The following ORC2 variants were observed in gnomAD, a reference collection of about 807,000 sequenced individuals.
ORC2 encodes the protein origin recognition complex subunit 2, also known as origin recognition complex protein 2 homolog.
Under a neutral mutation model 77.7 loss-of-function variants are expected in ORC2, and 37 were observed. The observed-to-expected ratio is 0.48, with a 90% CI of 0.37 to 0.63. The LOEUF (loss-of-function observed/expected upper bound fraction) is 0.63, where lower values mean the gene tolerates loss of function less well. Among genes scored for constraint, ORC2 ranks in the 20% least tolerant of loss-of-function variants. The probability of loss-of-function intolerance (pLI) is 0.00; values close to 1 mark genes in which losing one functional copy is unlikely to be tolerated. For synonymous variants in ORC2, 201 were observed against 229.5 expected (o/e 0.88, Z 1.12); for missense variants, 557 against 661.9 (o/e 0.84, Z 1.74).
chr2:200,956,815 TAGG>T (rs2125035472), intron 4 of ORC2, among the ~76,000 whole-genome samples: 1 of 152,210 alleles, frequency 6.6e-6, no homozygotes, highest in Non-Finnish European at 1.5e-5. Context: ...AAAATAACTT[TAGG>T]AGTACTATGC....
chr2:200,942,686 C>G lies in ORC2; in HGVS notation c.420G>C (p.Lys140Asn), dbSNP rs2041175998. 2 of 1,573,446 alleles carry G rather than the reference C, an allele frequency of 1.3e-6. No individual in the cohort carries two copies. The highest frequency in any genetic ancestry group is 1.7e-6 in the Non-Finnish European group (2 of 1,148,132). The change falls in exon 6 of 18, where the codon AAG becomes AAC. Residue 140 changes from lysine (K) to asparagine (N), a missense_variant and splice_region_variant. Transcript: ENST00000234296. ...EITINVPQSS[K>N]GHSASDKVQP... ...CAAAGAACTAATGTAATGTCTTACC[C>G]TTGCTACTTTGAGGAACGTTTATCG...
intron 4 of ORC2, among the ~76,000 whole-genome samples, chr2:200,956,921 C>A (rs1438554632): frequency 6.6e-6 from 1 of 152,046 alleles, no homozygotes; most frequent in East Asian, 1.9e-4. Flanking sequence ...AACAGAAAAC[C>A]ACACACTGCA....
rs1244108778 is a variant in ORC2, at chr2:200,944,554, C to G, written c.329-1777G>C. ...ATGACTCAACATGTCTAATAAGCAC[C>G]AGGCACAATGCCTAGTACAAGTACC... On this transcript the variant is annotated intron_variant, in intron 5 of 17. Transcript: ENST00000234296. Among the ~76,000 whole-genome samples, 5 of 151,914 alleles carry G rather than the reference C, an allele frequency of 3.3e-5. 1 individual carries two copies. In the South Asian group the frequency reaches 6.2e-4, roughly 19 times the overall value.
Position 200,949,578 on chromosome 2 carries a change from GT to G in ORC2, c.303del (p.Lys101AsnfsTer9). On this transcript the variant is annotated frameshift_variant, in exon 5 of 18. Coordinates refer to ENST00000234296, the MANE Select transcript of ORC2 (RefSeq NM_006190.5). LOFTEE classifies it high-confidence loss of function. ...CCTAATTTAGCCATCTTTTCAGAGT[GT>G]TTTCTATTCTGAAAAGAATAAACTT... Reference protein sequence around the residue: ...GNKVYSFQNRKHSEKMAKLAS... With the variant: ...GNKVYSFQNRXHSEKMAKLAS... The G allele has an allele frequency of 6.3e-7, 1 of 1,585,706 alleles. No homozygotes were observed. The highest frequency in any genetic ancestry group is 8.6e-7 in the Non-Finnish European group (1 of 1,156,948).
rs1168329241 is a variant in ORC2 at position 200,913,410 on chromosome 2, A to G, written c.1532T>C (p.Leu511Pro). ...CTGCTGGTAAAAATCTTGAAAAGAA[A>G]GGCCTGGCAAGTTCAAAAGGATATG... The part of the protein sequence containing the change: ...DNQDNPSYIG[L>P]SFQDFYQQCR... Residue 511 changes from leucine to proline, a missense_variant, in exon 17 of 18, where the codon CTT (leucine) becomes CCT (proline). By Grantham distance (98) the Leu-to-Pro change is moderately conservative. Coordinates refer to ENST00000234296, the MANE Select transcript of ORC2 (RefSeq NM_006190.5). 1 of 1,584,308 alleles carries G rather than the reference A, an allele frequency of 6.3e-7. No homozygotes were observed. Among genetic ancestry groups the G allele is most frequent in the Admixed American group, 1.7e-5 (1 of 58,962 alleles).
intron 11 of ORC2, among the ~76,000 whole-genome samples, chr2:200,927,924 G>GT (rs1204702030): frequency 6.6e-6 from 1 of 151,496 alleles, no homozygotes; most frequent in Admixed American, 6.6e-5. Flanking sequence ...TTGACCTCAG[G>GT]TGATGTGCCT....
Position 200,926,905 on chromosome 2 carries a change from T to C in ORC2, c.918-5A>G. 2.5e-6 allele frequency: 4 copies of C among 1,612,840 alleles called. No individual in the cohort carries two copies. The highest frequency in any genetic ancestry group is 3.4e-6 in the Non-Finnish European group (4 of 1,179,448). On this transcript the variant is annotated splice_polypyrimidine_tract_variant and splice_region_variant and intron_variant, in intron 11 of 17. Coordinates refer to ENST00000234296, the MANE Select transcript of ORC2 (RefSeq NM_006190.5). Reference sequence around the variant, plus strand: ...AGCACAATGTTGAACCCAAGGCTGTTAGGAAAGACAGTATTCATGAAATTA... The same window carrying C: ...AGCACAATGTTGAACCCAAGGCTGTCAGGAAAGACAGTATTCATGAAATTA...
chr2:200,955,707 T>A (rs2041454041), intron 4 of ORC2, among the ~76,000 whole-genome samples: 1 of 152,210 alleles, frequency 6.6e-6, no homozygotes, highest in Admixed American at 6.5e-5. Flanking sequence ...TGGAGACTCA[T>A]GAAAGCACAG....
rs182045478 is a variant in ORC2, at chr2:200,950,508, G to A, written c.239-865C>T. Among the ~76,000 whole-genome samples the A allele has an allele frequency of 2.6e-3, 391 of 152,156 alleles. 3 individuals carry two copies. Among genetic ancestry groups the A allele is most frequent in the African/African-American group, 8.6e-3 (355 of 41,506 alleles). Reference sequence around the variant, plus strand: ...GGATCCCTGAGGTCAAAATTACTTCGTAATAATACTAAGACATTAATTAAC... The same window carrying A: ...GGATCCCTGAGGTCAAAATTACTTCATAATAATACTAAGACATTAATTAAC... On this transcript the variant is annotated intron_variant, in intron 4 of 17. Coordinates refer to ENST00000234296, the MANE Select transcript of ORC2 (RefSeq NM_006190.5).
intron 1 of ORC2, 54 bp downstream of exon 1, chr2:200,963,436 G>T: frequency 2.5e-6 from 1 of 398,622 alleles, no homozygotes; most frequent in East Asian, 3.6e-5. Flanking sequence ...CACCTCACAC[G>T]CCGCGAGCTA....
At chr2:200,950,620 C>T (rs187781192) in intron 4 of ORC2, among the ~76,000 whole-genome samples, 11 of 152,190 alleles carry the variant, frequency 7.2e-5, no homozygotes, top group African/African-American at 1.7e-4. Flanking sequence ...TAATGGAATG[C>T]GTGAAGAAGA....
chr2:200,919,469 C>T (rs935085860), intron 15 of ORC2, among the ~76,000 whole-genome samples: 4 of 152,288 alleles, frequency 2.6e-5, no homozygotes, highest in African/African-American at 7.2e-5. Context: ...AGCAATTCTC[C>T]GGCCTCAGCC....
intron 11 of ORC2, among the ~76,000 whole-genome samples, chr2:200,929,701 G>A (rs541256731): frequency 1.3e-4 from 20 of 152,196 alleles, no homozygotes; most frequent in African/African-American, 4.3e-4. Context: ...GGAAGCTGAG[G>A]TGGGAGGATT....
chr2:200,917,194 C>T (rs2040672219), intron 15 of ORC2, among the ~76,000 whole-genome samples: 1 of 151,918 alleles, frequency 6.6e-6, no homozygotes, highest in Non-Finnish European at 1.5e-5. Flanking sequence ...GCGGTTTCAC[C>T]ATGTTGGCCA....
At chr2:200,941,214 C>T (rs779266921) in intron 7 of ORC2, 34 bp downstream of exon 7, 1 of 1,581,506 alleles carries the variant, frequency 6.3e-7, no homozygotes, top group Non-Finnish European at 8.7e-7. Flanking sequence ...TACTTTGTAA[C>T]ACTAAGGCTT....
intron 4 of ORC2, among the ~76,000 whole-genome samples, chr2:200,953,120 A>C (rs1047498891): frequency 6.6e-6 from 1 of 151,396 alleles, no homozygotes; most frequent in Admixed American, 6.6e-5. Context: ...CTCAAAAAAA[A>C]AAAAAAAAAA....
At chr2:200,945,426 G>A (rs1407945497) in intron 5 of ORC2, among the ~76,000 whole-genome samples, 3 of 146,812 alleles carry the variant, frequency 2.0e-5, no homozygotes, top group Non-Finnish European at 4.5e-5. Flanking sequence ...GTGTGGTGGC[G>A]TGTGACTTTA....
intron 17 of ORC2, among the ~76,000 whole-genome samples, chr2:200,911,589 A>G (rs2040552466): frequency 6.6e-6 from 1 of 152,160 alleles, no homozygotes; most frequent in Non-Finnish European, 1.5e-5. Flanking sequence ...GGAAAAGACA[A>G]CTAACTAGAG....
intron 4 of ORC2, among the ~76,000 whole-genome samples, chr2:200,955,533 T>C (rs1239959002): frequency 1.3e-5 from 2 of 152,230 alleles, no homozygotes; most frequent in Non-Finnish European, 1.5e-5. Flanking sequence ...TTGAGCTAAA[T>C]TGACTCTTGA....
Sources: gnomAD v4.1 joint callset for allele counts (sites outside exome capture counted in the v4.1 genomes callset) on GRCh38, gnomAD v4.1.1 for gene constraint, MANE v1.5 for transcripts, NCBI Gene and HGNC (gene_info 2026-07-23, HGNC 2026-07-21) for gene names.